Variants in DLGAP4 observed in about 807,000 individuals in gnomAD.
DLGAP4 encodes the protein DLG associated protein 4.
Under a neutral mutation model 86.9 loss-of-function variants are expected in DLGAP4, and 18 were observed. The observed-to-expected ratio is 0.21, with a 90% CI of 0.14 to 0.31. DLGAP4 has a LOEUF of 0.31. Among genes scored for constraint, DLGAP4 ranks in the 10% least tolerant of loss-of-function variants. The pLI is 1.00. For synonymous variants in DLGAP4, 548 were observed against 574.3 expected, an observed-to-expected ratio of 0.95 and a Z score of 0.65; for missense variants, 1,085 against 1,362.6, an observed-to-expected ratio of 0.80 and a Z score of 3.21.
At chr20:36,391,896 C>T (rs1011416100) in intron 2 of DLGAP4, among the ~76,000 whole-genome samples, 3 of 152,202 alleles carry the variant, frequency 2.0e-5, no homozygotes, top group African/African-American at 2.4e-5. Flanking sequence ...GGTGCACCAT[C>T]GGGGTTATCC....
In DLGAP4 at chr20:36,307,698, C is replaced by G. The variant is rs572917381; in HGVS notation, c.-304+1186C>G. Among the ~76,000 whole-genome samples the G allele has an allele frequency of 2.0e-5, 3 of 152,120 alleles. No homozygotes were observed. In the South Asian group the frequency reaches 6.2e-4, roughly 32 times the overall value. On this transcript the variant is annotated intron_variant, in intron 1 of 12. Coordinates refer to ENST00000339266, the MANE Select transcript of DLGAP4 (RefSeq NM_001365621.2). ...ACATAGCGGGAGGGGGCTGCAGTTC[C>G]AGCCCCCGGGGGACTGGCCTGCCCT...
intron 1 of DLGAP4, among the ~76,000 whole-genome samples, chr20:36,307,411 TCATCCCTC>T (rs1195495864): frequency 1.3e-5 from 2 of 152,060 alleles, no homozygotes; most frequent in African/African-American, 2.4e-5. Context: ...CTCCATCCCT[TCATCCCTC>T]CATCCCTCCA....
At chr20:36,446,019 A>G (rs1281562021) in intron 6 of DLGAP4, among the ~76,000 whole-genome samples, 1 of 152,234 alleles carries the variant, frequency 6.6e-6, no homozygotes, top group Non-Finnish European at 1.5e-5. Flanking sequence ...CAGATAGCAT[A>G]CACATCACCA....
At chr20:36,461,744 T>G in intron 7 of DLGAP4, 1 of 899,810 alleles carries the variant, frequency 1.1e-6, no homozygotes, top group Non-Finnish European at 1.3e-6. Context: ...CGTCCGTCCG[T>G]CCGTCCGCCC....
At chr20:36,506,484 A>T (rs2036379132) in intron 10 of DLGAP4, among the ~76,000 whole-genome samples, 1 of 152,170 alleles carries the variant, frequency 6.6e-6, no homozygotes, top group Non-Finnish European at 1.5e-5. Context: ...TAACTTACAG[A>T]CAGATGGAGT....
chr20:36,428,286 C>A (rs1211343487), intron 2 of DLGAP4, among the ~76,000 whole-genome samples: 1 of 152,180 alleles, frequency 6.6e-6, no homozygotes, highest in Non-Finnish European at 1.5e-5. Context: ...AATTCAGTTT[C>A]CCAGTCGCAC....
chr20:36,481,919 C>T (rs986672685), intron 7 of DLGAP4, among the ~76,000 whole-genome samples: 19 of 152,078 alleles, frequency 1.2e-4, no homozygotes, highest in East Asian at 1.9e-4. Context: ...CCACATATGC[C>T]GCTTTTCTTG....
At chr20:36,459,443 C>T (rs922470745) in intron 7 of DLGAP4, among the ~76,000 whole-genome samples, 1 of 152,124 alleles carries the variant, frequency 6.6e-6, no homozygotes, top group Non-Finnish European at 1.5e-5. Flanking sequence ...GTGGCAGGAT[C>T]ACAGCTCACT....
intron 7 of DLGAP4, among the ~76,000 whole-genome samples, chr20:36,488,473 C>T (rs2035516949): frequency 6.6e-6 from 1 of 152,134 alleles, no homozygotes; most frequent in Non-Finnish European, 1.5e-5. Flanking sequence ...AATGCTAAAC[C>T]ATTGCTCTTC....
intron 1 of DLGAP4, among the ~76,000 whole-genome samples, chr20:36,339,917 G>A (rs2147371937): frequency 6.6e-6 from 1 of 152,344 alleles, no homozygotes; most frequent in South Asian, 2.1e-4. Flanking sequence ...CTGAGCTCTG[G>A]ACCTCCGGCA....
intron 2 of DLGAP4, among the ~76,000 whole-genome samples, chr20:36,421,309 T>A (rs6063005): frequency 0.58 from 88,309 of 151,522 alleles, 25,824 homozygotes; most frequent in Middle Eastern, 0.65. Flanking sequence ...TACAAAAAAA[T>A]TGGCTGGGCG....
intron 1 of DLGAP4, among the ~76,000 whole-genome samples, chr20:36,327,801 C>T (rs1445122134): frequency 1.4e-5 from 2 of 147,624 alleles, no homozygotes; most frequent in Admixed American, 6.7e-5. Context: ...CCGTTTTAGC[C>T]GGGATGGTCT....
chr20:36,486,017 G>T (rs1198347127), intron 7 of DLGAP4, among the ~76,000 whole-genome samples: 1 of 152,170 alleles, frequency 6.6e-6, no homozygotes, highest in Non-Finnish European at 1.5e-5. Context: ...TCTGAAGGGA[G>T]TTCAAAGCCC....
intron 1 of DLGAP4, among the ~76,000 whole-genome samples, chr20:36,325,864 C>A (rs574404825): frequency 6.6e-6 from 1 of 151,862 alleles, no homozygotes; most frequent in African/African-American, 2.4e-5. Context: ...ATTATAGGCA[C>A]GCACCACCAT....
At chr20:36,515,280 T>G (rs1192229668) in intron 10 of DLGAP4, among the ~76,000 whole-genome samples, 1 of 152,226 alleles carries the variant, frequency 6.6e-6, no homozygotes, top group Non-Finnish European at 1.5e-5. Flanking sequence ...ACTGATCCAT[T>G]CTGTTTTTCA....
At chr20:36,333,346 C>A (rs989993288) in intron 1 of DLGAP4, among the ~76,000 whole-genome samples, 4 of 151,830 alleles carry the variant, frequency 2.6e-5, no homozygotes, top group African/African-American at 9.7e-5. Context: ...TTTTCTAAAA[C>A]CCCTGAGCTC....
intron 11 of DLGAP4, 66 bp from the exon 12 acceptor site, chr20:36,525,785 G>C (rs1039614355): frequency 1.8e-5 from 28 of 1,592,840 alleles, no homozygotes; most frequent in Non-Finnish European, 2.2e-5. Context: ...CTGCTTGTTG[G>C]GGGGTTGGGG....
Position 36,307,052 on chromosome 20 carries a change from C to T in DLGAP4, c.-304+540C>T, listed in dbSNP as rs565540615. Among the ~76,000 whole-genome samples, 26 of 152,250 alleles carry T rather than the reference C, an allele frequency of 1.7e-4. 1 individual carries two copies. The highest frequency in any genetic ancestry group is 2.6e-4 in the Non-Finnish European group (18 of 67,980). The stretch of plus-strand genomic sequence containing the variant: ...CCGTCTCGGTAGACCCGGGAGCCGC[C>T]GGCTCCCCCCTTCCCGAGCTCTTTC... On this transcript the variant is annotated intron_variant, in intron 1 of 12. Transcript: ENST00000339266.
At chr20:36,436,519 T>C (rs1306329290) in intron 4 of DLGAP4, among the ~76,000 whole-genome samples, 169 bp downstream of exon 4, 1 of 152,022 alleles carries the variant, frequency 6.6e-6, no homozygotes, top group African/African-American at 2.4e-5. Flanking sequence ...GAGAACCCCT[T>C]CATTGAAATA....
Sources: allele counts gnomAD v4.1 joint callset (sites outside exome capture counted in the v4.1 genomes callset), GRCh38; gene constraint gnomAD v4.1.1; transcripts MANE v1.5; gene names NCBI Gene and HGNC (gene_info 2026-07-23, HGNC 2026-07-21).